Variants in AHNAK observed in about 807,000 individuals in gnomAD.
AHNAK encodes the protein neuroblast differentiation-associated protein AHNAK.
AHNAK carries 23 observed loss-of-function variants against 37.8 expected under a neutral mutation model. That is an observed-to-expected ratio of 0.61 (90% CI 0.44 to 0.86). The LOEUF (loss-of-function observed/expected upper bound fraction) is 0.86. Among genes scored for constraint, AHNAK ranks in the 40% least tolerant of loss-of-function variants. The pLI is 0.00. For missense variants in AHNAK, 7,411 were observed against 7,319.4 expected (o/e 1.01, Z -0.46); for synonymous variants, 2,481 against 2,636.3 (o/e 0.94, Z 1.80).
Position 62,521,855 on chromosome 11 carries a change from T to C in AHNAK, c.12562A>G (p.Met4188Val). Reference sequence around the variant, plus strand: ...AACTTGGGCATTTTCACTTTGGGCATTTTTAAGTGCCAGTCTGGGCCTTGA... The same window carrying C: ...AACTTGGGCATTTTCACTTTGGGCACTTTTAAGTGCCAGTCTGGGCCTTGA... ...DVQGPDWHLK[M>V]PKVKMPKFSM... Residue 4188 changes from methionine (M) to valine (V), a missense_variant, in exon 5 of 5, where the codon ATG becomes GTG. Physicochemically the swap from Met to Val is conservative, Grantham distance 21. Coordinates refer to ENST00000378024, the MANE Select transcript of AHNAK (RefSeq NM_001620.3). The C allele has an allele frequency of 1.9e-6, 3 of 1,612,758 alleles. No individual in the cohort carries two copies. Among genetic ancestry groups the C allele is most frequent in the Non-Finnish European group, 2.5e-6 (3 of 1,179,688 alleles).
chr11:62,471,897 G>A (rs1939042774), intron 5 of AHNAK, among the ~76,000 whole-genome samples: 1 of 152,124 alleles, frequency 6.6e-6, no homozygotes, highest in African/African-American at 2.4e-5. Context: ...GAAAGGGAGA[G>A]GTGAGATGGA....
intron 4 of AHNAK, among the ~76,000 whole-genome samples, chr11:62,496,631 C>T (rs1156794558): frequency 6.6e-6 from 1 of 152,046 alleles, no homozygotes; most frequent in Non-Finnish European, 1.5e-5. Context: ...CCTGTCTCTA[C>T]TAAAAGTACA....
chr11:62,522,408 C>G lies in AHNAK; in HGVS notation c.12009G>C (p.Met4003Ile). Residue 4003 changes from methionine to isoleucine, a missense_variant, in exon 5 of 5, where the codon ATG (methionine) becomes ATC (isoleucine). Coordinates refer to ENST00000378024, the MANE Select transcript of AHNAK (RefSeq NM_001620.3). ...EMNIKAPKIS[M>I]PDFDLHLKGP... ...CTTTCAGATGCAAATCAAAGTCAGG[C>G]ATGGAGATCTTGGGGGCTTTGATGT... 2.5e-6 allele frequency: 4 copies of G among 1,614,134 alleles called. No homozygotes were observed. Among genetic ancestry groups the G allele is most frequent in the Non-Finnish European group, 3.4e-6 (4 of 1,180,040 alleles).
intron 5 of AHNAK, among the ~76,000 whole-genome samples, chr11:62,452,633 T>TG (rs1565198786): frequency 4.6e-5 from 7 of 152,322 alleles, no homozygotes; most frequent in Non-Finnish European, 8.8e-5. Context: ...TGCTTAGGGA[T>TG]GACCCAGATT....
intron 4 of AHNAK, among the ~76,000 whole-genome samples, chr11:62,503,485 A>C (rs972335993): frequency 6.6e-6 from 1 of 151,944 alleles, no homozygotes; most frequent in African/African-American, 2.4e-5. Context: ...CAAGAGGCTG[A>C]GGCAGGAGAA....
In AHNAK at chr11:62,518,049, CA is replaced by C; in HGVS notation, c.16367del (p.Leu5456TrpfsTer6). 6.2e-7 allele frequency: 1 copy of C among 1,614,168 alleles called. No homozygotes were observed. The highest frequency in any genetic ancestry group is 8.5e-7 in the Non-Finnish European group (1 of 1,180,038). On this transcript the variant is annotated frameshift_variant, in exon 5 of 5. Transcript: ENST00000378024. LOFTEE classifies it high-confidence loss of function. The stretch of plus-strand genomic sequence containing the variant: ...GGCTCCCTTTCACTTTTGGTCCTTC[CA>C]AGTTAAAGTCCACATTCGGTGCTGA... ...RISAPNVDFN[L>X]EGPKVKGSLG...
Position 62,527,168 on chromosome 11 carries a change from C to G in AHNAK, c.7249G>C (p.Gly2417Arg), listed in dbSNP as rs531677526. Residue 2417 changes from glycine to arginine, a missense_variant, in exon 5 of 5, where the codon GGG (glycine) becomes CGG (arginine). Coordinates refer to ENST00000378024, the MANE Select transcript of AHNAK (RefSeq NM_001620.3). Reference protein sequence around the residue: ...DVPKLEGDLKGPHVDVSGPDI... With the variant: ...DVPKLEGDLKRPHVDVSGPDI... ...GGCCCACTGACATCCACATGTGGCC[C>G]TTTAAGGTCCCCTTCCAATTTGGGA... is the stretch of plus-strand genomic sequence containing the variant. The G allele has an allele frequency of 7.1e-5, 115 of 1,611,544 alleles. 3 individuals carry two copies. The South Asian group carries it at 1.2e-3, about 17-fold the overall frequency.
Position 62,528,642 on chromosome 11 carries a change from A to G in AHNAK, c.5775T>C (p.Pro1925=), listed in dbSNP as rs767753846. 6.2e-7 allele frequency: 1 copy of G among 1,609,832 alleles called. No individual in the cohort carries two copies. The highest frequency in any genetic ancestry group is 8.5e-7 in the Non-Finnish European group (1 of 1,179,054). ...GGCCTTTCAAGTGTAAGTCCACATC[A>G]GGCATGGAGATCTTGGGGGCCTTGA... ...MHFKAPKISM[P]DVDLHLKGPK... The change falls in exon 5 of 5, where the codon CCT becomes CCC. Residue 1925 remains proline (P), a synonymous_variant. Transcript: ENST00000378024.
intron 4 of AHNAK, among the ~76,000 whole-genome samples, chr11:62,503,636 T>A (rs764094329): frequency 6.7e-6 from 1 of 149,554 alleles, no homozygotes; most frequent in Non-Finnish European, 1.5e-5. Flanking sequence ...ACATGCAGAG[T>A]GGCCTTTTTA....
intron 4 of AHNAK, among the ~76,000 whole-genome samples, chr11:62,534,751 C>A (rs1209180294): frequency 6.6e-6 from 1 of 152,130 alleles, no homozygotes; most frequent in Non-Finnish European, 1.5e-5. Context: ...GGCCGGGCTG[C>A]ACAAGTCAGT....
At position 62,517,936 on chromosome 11, in the gene AHNAK, A is replaced by G; in HGVS notation, c.16481T>C (p.Met5494Thr). 6.2e-7 allele frequency: 1 copy of G among 1,614,194 alleles called. No individual in the cohort carries two copies. ...GVQGLEGNLQ[M>T]PGIKSSGCDV... ...ACATCCAGAGGACTTAATTCCAGGC[A>G]TCTGGAGGTTTCCTTCTAGGCCTTG... The change falls in exon 5 of 5, where the codon ATG (methionine) becomes ACG (threonine). Residue 5494 changes from methionine to threonine, a missense_variant. Transcript: ENST00000378024.
rs552931854 is a variant in AHNAK at position 62,479,241 on chromosome 11, C to T, written c.442+12491G>A. 1.5e-3 allele frequency among the ~76,000 whole-genome samples: 207 copies of T among 138,962 alleles called. 1 individual carries two copies. The highest frequency in any genetic ancestry group is 5.2e-3 in the African/African-American group (198 of 37,862). The allele number at this position is 138,962 out of a possible 152,430, so 91.2% of individuals were successfully genotyped here. ...GGGGTACAATGGCACGATCTCGGCT[C>T]ACTGCAACCTCTGCCTCCCAGGTTC... On this transcript the variant is annotated intron_variant, in intron 5 of 5. Transcript: ENST00000257247.
Position 62,521,093 on chromosome 11 carries a change from A to AT in AHNAK, c.13323dup (p.Leu4442IlefsTer7). On this transcript the variant is annotated frameshift_variant, in exon 5 of 5. Transcript: ENST00000378024. LOFTEE classifies it low-confidence loss of function (END_TRUNC). ...GGCATCTTAAATTTGGGCCCCTTCA[A>AT]TTTTCCTTCCGGACCTTCAATATTG... The AT allele has an allele frequency of 6.2e-7, 1 of 1,613,132 alleles. No individual in the cohort carries two copies. The highest frequency in any genetic ancestry group is 2.2e-5 in the East Asian group (1 of 44,806).
Position 62,521,506 on chromosome 11 carries a change from T to C in AHNAK, c.12911A>G (p.Asp4304Gly), listed in dbSNP as rs11828907. The C allele has an allele frequency of 1.7e-3, 2,787 of 1,612,628 alleles. 36 individuals carry two copies. The African/African-American group carries it at 0.033, about 19-fold the overall frequency. Residue 4304 changes from aspartate to glycine, a missense_variant, in exon 5 of 5, where the codon GAT becomes GGT. Asp to Gly is a moderately conservative substitution (Grantham distance 94, BLOSUM62 -1). Coordinates refer to ENST00000378024, the MANE Select transcript of AHNAK (RefSeq NM_001620.3). ...KGPKVDIDAPDVDVHGPDWHL... is the reference protein window; with the variant it reads ...KGPKVDIDAPGVDVHGPDWHL... ...CCAGTCTGGGCCATGAACATCTACA[T>C]CAGGGGCATCGATGTCCACTTTGGG...
In AHNAK at chr11:62,526,647, A is replaced by G. The variant is rs1590666521; in HGVS notation, c.7770T>C (p.Gly2590=). The change falls in exon 5 of 5, where the codon GGT becomes GGC. Residue 2590 remains glycine (G), a synonymous_variant. Transcript: ENST00000378024. ...SMPDFDLHLK[G]PKVKGDVDVS... is the part of the protein sequence containing the mutation. Reference sequence around the variant, plus strand: ...CATCCACATCGCCCTTCACCTTGGGACCTTTCAGATGCAAATCAAAGTCAG... The same window carrying G: ...CATCCACATCGCCCTTCACCTTGGGGCCTTTCAGATGCAAATCAAAGTCAG... The G allele has an allele frequency of 1.2e-6, 2 of 1,607,322 alleles. No homozygotes were observed. The highest frequency in any genetic ancestry group is 1.7e-6 in the Non-Finnish European group (2 of 1,177,984).
chr11:62,518,477 C>T lies in AHNAK; in HGVS notation c.15940G>A (p.Asp5314Asn). The T allele has an allele frequency of 6.2e-7, 1 of 1,614,128 alleles. No individual in the cohort carries two copies. Among genetic ancestry groups the T allele is most frequent in the East Asian group, 2.2e-5 (1 of 44,872 alleles). The change falls in exon 5 of 5, where the codon GAC becomes AAC. Residue 5314 changes from aspartate to asparagine, a missense_variant. Physicochemically the swap from Asp to Asn is conservative, Grantham distance 23. Transcript: ENST00000378024. ...ATGCTGGGAACAGATGCATCCAGGT[C>T]TCCCTTCAAACTTGGTCCTTTCAAG... ...LNLKGPSLKG[D>N]LDASVPSMKV...
chr11:62,512,763 G>A (rs752229009), downstream of AHNAK, among the ~76,000 whole-genome samples: 3 of 151,860 alleles, frequency 2.0e-5, no homozygotes, highest in East Asian at 1.9e-4. This position sits in a 1 kb window ranked among gnomAD's most constrained non-coding sequence, Gnocchi z 4.0. Flanking sequence ...AAATTAGCCC[G>A]GTGTGGTGGT....
chr11:62,473,044 C>T (rs1939064499), intron 5 of AHNAK, among the ~76,000 whole-genome samples: 1 of 123,354 alleles, frequency 8.1e-6, no homozygotes, highest in Non-Finnish European at 1.6e-5. Context: ...AAGTTCACAC[C>T]ACTATACTCC....
chr11:62,490,778 GT>G (rs1287780484), intron 5 of AHNAK, among the ~76,000 whole-genome samples: 2 of 151,724 alleles, frequency 1.3e-5, no homozygotes, highest in Non-Finnish European at 2.9e-5. Context: ...CCATATTTTT[GT>G]TTATTGTTTT....
Sources: gnomAD v4.1 joint callset for allele counts (sites outside exome capture counted in the v4.1 genomes callset) on GRCh38, gnomAD v4.1.1 for gene constraint, Gnocchi (gnomAD v3.1) non-coding constraint, MANE v1.5 for transcripts, NCBI Gene and HGNC (gene_info 2026-07-23, HGNC 2026-07-21) for gene names.